RGS7: variants seen among roughly 807,000 people sequenced by gnomAD.
RGS7 encodes the protein regulator of G protein signaling 7.
RGS7 carries 27 observed loss-of-function variants against 81.1 expected under a neutral mutation model. The ratio of observed to expected loss-of-function variants is 0.33; its 90% confidence interval spans 0.25 to 0.46. The LOEUF (loss-of-function observed/expected upper bound fraction) is 0.46, where lower values mean the gene tolerates loss of function less well. RGS7 is among the 20% of genes least tolerant of loss of function. The pLI, the probability that RGS7 is intolerant of heterozygous loss-of-function variation, is 1.00. For synonymous variants in RGS7, 208 were observed against 207.7 expected, an observed-to-expected ratio of 1.00 and a Z score of -0.01; for missense variants, 396 against 607.4, an observed-to-expected ratio of 0.65 and a Z score of 3.66.
At chr1:241,281,483 T>C (rs1477607257) in intron 2 of RGS7, among the ~76,000 whole-genome samples, 1 of 152,216 alleles carries the variant, frequency 6.6e-6, no homozygotes, top group Non-Finnish European at 1.5e-5. Flanking sequence ...GTGCAAACCG[T>C]AAACGCTGAA....
At chr1:241,211,182 G>A (rs2074221385) in intron 2 of RGS7, among the ~76,000 whole-genome samples, 1 of 152,116 alleles carries the variant, frequency 6.6e-6, no homozygotes, top group Admixed American at 6.6e-5. Flanking sequence ...CTACTCGGGA[G>A]GCTGAGTCAG....
At chr1:241,207,248 T>TTCTC (rs149671121) in intron 2 of RGS7, among the ~76,000 whole-genome samples, 6 of 149,910 alleles carry the variant, frequency 4.0e-5, no homozygotes, top group Non-Finnish European at 5.9e-5. Flanking sequence ...GTTTCTTTCT[T>TTCTC]TCTCTCTCTC....
intron 3 of RGS7, among the ~76,000 whole-genome samples, chr1:241,023,934 G>T (rs546526226): frequency 9.9e-5 from 15 of 152,120 alleles, no homozygotes; most frequent in African/African-American, 3.4e-4. Flanking sequence ...TAGTAGAGAG[G>T]GGTTTCTCCA....
chr1:241,095,842 T>C (rs1283831816), intron 3 of RGS7, among the ~76,000 whole-genome samples: 2 of 152,220 alleles, frequency 1.3e-5, no homozygotes, highest in Admixed American at 1.3e-4. Flanking sequence ...CTATAGTCAT[T>C]CTACGGTGGC....
chr1:240,914,982 T>G (rs1411506951), intron 6 of RGS7, among the ~76,000 whole-genome samples: 1 of 152,190 alleles, frequency 6.6e-6, no homozygotes, highest in Non-Finnish European at 1.5e-5. Flanking sequence ...ATTTGAGCAT[T>G]AAAAACTCCT....
chr1:241,313,213 T>C (rs2080658797), intron 2 of RGS7, among the ~76,000 whole-genome samples: 1 of 152,226 alleles, frequency 6.6e-6, no homozygotes, highest in African/African-American at 2.4e-5. Flanking sequence ...TTCCAAAAGA[T>C]CTAGCCAAGA....
At chr1:241,284,307 A>G (rs1246986594) in intron 2 of RGS7, among the ~76,000 whole-genome samples, 2 of 152,144 alleles carry the variant, frequency 1.3e-5, no homozygotes, top group Non-Finnish European at 2.9e-5. Context: ...AGGGAAGAGA[A>G]GAGGAACCAC....
intron 3 of RGS7, among the ~76,000 whole-genome samples, chr1:241,037,720 CAA>C (rs34194641): frequency 0.036 from 4,668 of 130,236 alleles, 69 homozygotes; most frequent in Non-Finnish European, 0.046. Flanking sequence ...GACTCCATCT[CAA>C]AAAAAAAAAA....
chr1:241,245,275 T>G (rs2076463661), intron 2 of RGS7, among the ~76,000 whole-genome samples: 1 of 151,810 alleles, frequency 6.6e-6, no homozygotes, highest in African/African-American at 2.4e-5. Context: ...TTTCGCACTA[T>G]CCCCCTAGTG....
chr1:241,221,182 AAG>A (rs145420449), intron 2 of RGS7, among the ~76,000 whole-genome samples: 12 of 151,770 alleles, frequency 7.9e-5, no homozygotes, highest in African/African-American at 1.2e-4. Flanking sequence ...GGAAAAAAGA[AAG>A]AGAGAAAGAA....
At chr1:241,212,967 A>G (rs951587444) in intron 2 of RGS7, among the ~76,000 whole-genome samples, 4 of 152,166 alleles carry the variant, frequency 2.6e-5, no homozygotes, top group African/African-American at 9.6e-5. Context: ...CTTTACATCA[A>G]TCTGAGTGTC....
intron 2 of RGS7, among the ~76,000 whole-genome samples, chr1:241,246,078 T>TG (rs2076525290): frequency 1.3e-5 from 2 of 152,166 alleles, no homozygotes; most frequent in Admixed American, 1.3e-4. Context: ...CCCTCCAGCC[T>TG]GGGGGACAGA....
chr1:241,009,820 A>C (rs142479089), intron 3 of RGS7, among the ~76,000 whole-genome samples: 31 of 152,370 alleles, frequency 2.0e-4, no homozygotes, highest in African/African-American at 6.7e-4. Context: ...GGTCAGATGA[A>C]AGTTCAATAA....
intron 3 of RGS7, among the ~76,000 whole-genome samples, chr1:241,098,016 G>GCAA (rs2102880811): frequency 6.6e-6 from 1 of 152,254 alleles, no homozygotes. Flanking sequence ...ACCTGTTCCT[G>GCAA]CAACAGCCTT....
At chr1:241,062,334 A>G (rs74149598) in intron 3 of RGS7, among the ~76,000 whole-genome samples, 6,540 of 152,192 alleles carry the variant, frequency 0.043, 184 homozygotes, top group East Asian at 0.14. Flanking sequence ...TAGCCCCTCA[A>G]ATGCTTGGCC....
intron 2 of RGS7, among the ~76,000 whole-genome samples, chr1:241,174,895 GTTTTTTTTT>G (rs551122102): frequency 1.4e-5 from 1 of 69,230 alleles, no homozygotes; most frequent in African/African-American, 6.0e-5. Flanking sequence ...ACAGAATTTT[GTTTTTTTTT>G]TTTTTTTTTT....
chr1:240,900,431 A>G (rs1669796818), intron 6 of RGS7, among the ~76,000 whole-genome samples: 1 of 151,960 alleles, frequency 6.6e-6, no homozygotes, highest in Non-Finnish European at 1.5e-5. Context: ...GGTTTTATCT[A>G]CCTTTGGTCT....
chr1:241,041,189 G>A (rs867605432), intron 3 of RGS7, among the ~76,000 whole-genome samples: 18 of 151,960 alleles, frequency 1.2e-4, no homozygotes, highest in Middle Eastern at 3.2e-3. Flanking sequence ...ATTGATAAGC[G>A]GCTTATTATT....
At chr1:241,321,607 GAAC>G (rs1408482852) in intron 2 of RGS7, among the ~76,000 whole-genome samples, 2 of 152,044 alleles carry the variant, frequency 1.3e-5, no homozygotes, top group Non-Finnish European at 2.9e-5. Flanking sequence ...CATTTGTGCA[GAAC>G]AACATGAAGA....
Sources: allele counts gnomAD v4.1 joint callset (sites outside exome capture counted in the v4.1 genomes callset), GRCh38; gene constraint gnomAD v4.1.1; transcripts MANE v1.5; gene names NCBI Gene and HGNC (gene_info 2026-07-23, HGNC 2026-07-21).